The following EBF1 variants were observed in gnomAD, a reference collection of about 807,000 sequenced individuals.
EBF1 encodes EBF transcription factor 1, also known as transcription factor COE1.
Under a neutral mutation model 68.4 loss-of-function variants are expected in EBF1, and 10 were observed. The observed-to-expected ratio is 0.15, with a 90% CI of 0.09 to 0.25. The LOEUF is 0.25. Among genes scored for constraint, EBF1 ranks in the 10% least tolerant of loss-of-function variants. EBF1 has a pLI of 1.00. For synonymous variants in EBF1, 298 were observed against 299.8 expected, an observed-to-expected ratio of 0.99 and a Z score of 0.06; for missense variants, 509 against 794.4, an observed-to-expected ratio of 0.64 and a Z score of 4.32.
At chr5:158,991,839 T>G (rs1306453057) in intron 6 of EBF1, among the ~76,000 whole-genome samples, 1 of 152,190 alleles carries the variant, frequency 6.6e-6, no homozygotes, top group African/African-American at 2.4e-5. Context: ...AGTGTTGGCA[T>G]TTGCACAATG....
intron 12 of EBF1, among the ~76,000 whole-genome samples, chr5:158,713,470 A>G (rs1581236222): frequency 6.6e-6 from 1 of 152,234 alleles, no homozygotes; most frequent in South Asian, 2.1e-4. Flanking sequence ...CAGTCCATAC[A>G]GGACAGCACC....
intron 10 of EBF1, among the ~76,000 whole-genome samples, chr5:158,752,327 CAAA>C (rs199938065): frequency 0.29 from 30,494 of 104,776 alleles, 3,209 homozygotes; most frequent in Admixed American, 0.35. Context: ...GTATTTATTC[CAAA>C]AAAAAAAAAA....
chr5:158,786,590 G>GC (rs1777491525), intron 9 of EBF1, among the ~76,000 whole-genome samples: 1 of 152,232 alleles, frequency 6.6e-6, no homozygotes, highest in East Asian at 1.9e-4. Context: ...AGCAACGCCA[G>GC]CCCCTGTGGT....
chr5:159,050,152 TTC>T (rs148912326), intron 6 of EBF1, among the ~76,000 whole-genome samples: 3,526 of 135,364 alleles, frequency 0.026, 61 homozygotes, highest in Middle Eastern at 0.048. Flanking sequence ...TCGTTTCTCT[TTC>T]TCTCTCTCTC....
intron 6 of EBF1, among the ~76,000 whole-genome samples, chr5:158,937,251 C>T (rs899459147): frequency 6.6e-6 from 1 of 152,016 alleles, no homozygotes; most frequent in Non-Finnish European, 1.5e-5. Flanking sequence ...ATTTTCCACC[C>T]AACCTGGTTT....
intron 6 of EBF1, among the ~76,000 whole-genome samples, chr5:159,023,529 A>G (rs942600281): frequency 6.6e-6 from 1 of 152,196 alleles, no homozygotes; most frequent in Admixed American, 6.5e-5. Flanking sequence ...CACATCTCCA[A>G]GGAGTGAAGC....
At chr5:159,016,812 AC>A (rs1391449155) in intron 6 of EBF1, among the ~76,000 whole-genome samples, 1 of 152,188 alleles carries the variant, frequency 6.6e-6, no homozygotes, top group Non-Finnish European at 1.5e-5. Context: ...CAAAAGACAG[AC>A]CTTTCTTGAC....
chr5:158,855,122 C>A (rs950931776), intron 6 of EBF1, among the ~76,000 whole-genome samples: 4 of 152,150 alleles, frequency 2.6e-5, no homozygotes, highest in Admixed American at 1.3e-4. Context: ...AAAGTAAAAC[C>A]ACGTGATAAG....
rs757874589 is a variant in EBF1 at position 158,840,050 on chromosome 5, T to A, written c.615A>T (p.Pro205=). 1.9e-6 allele frequency: 3 copies of A among 1,614,020 alleles called. No individual in the cohort carries two copies. Among genetic ancestry groups the A allele is most frequent in the African/African-American group, 2.7e-5 (2 of 74,912 alleles). The change falls in exon 7 of 16, where the codon CCA becomes CCT. Residue 205 remains proline, a synonymous_variant. Coordinates refer to ENST00000313708, the MANE Select transcript of EBF1 (RefSeq NM_024007.5). ...CCACCTGGAATCTCCGCATGTCACG[T>A]GGGTTTCCCGCATTCTTTAGGCAAT... ...NQNCLKNAGN[P]RDMRRFQVVV... is the part of the protein sequence containing the mutation.
At chr5:159,072,415 G>A (rs1777973637) in intron 6 of EBF1, among the ~76,000 whole-genome samples, 1 of 152,034 alleles carries the variant, frequency 6.6e-6, no homozygotes, top group East Asian at 1.9e-4. Flanking sequence ...AAGAAAGATG[G>A]GTTTTTTTTT....
chr5:158,754,389 C>A (rs1769588993), intron 10 of EBF1, among the ~76,000 whole-genome samples: 1 of 152,114 alleles, frequency 6.6e-6, no homozygotes, highest in East Asian at 1.9e-4. Flanking sequence ...CTGACCACAG[C>A]ATTCACAAAC....
chr5:158,780,282 G>A (rs1476896905), intron 9 of EBF1, among the ~76,000 whole-genome samples: 1 of 152,156 alleles, frequency 6.6e-6, no homozygotes, highest in African/African-American at 2.4e-5. Flanking sequence ...AGGAGGGACA[G>A]GGTCTAGATC....
intron 5 of EBF1, among the ~76,000 whole-genome samples, chr5:159,082,342 A>G (rs1779889547): frequency 6.6e-6 from 1 of 152,224 alleles, no homozygotes; most frequent in Admixed American, 6.5e-5. Flanking sequence ...GAAACAAGCT[A>G]TTTTAAAATC....
In EBF1 at chr5:158,699,068, G is replaced by C. The variant is rs764983933; in HGVS notation, c.*43C>G. The C allele has an allele frequency of 1.8e-5, 28 of 1,576,556 alleles. No homozygotes were observed. The highest frequency in any genetic ancestry group is 2.4e-5 in the Non-Finnish European group (28 of 1,161,274). ...TTGTATCAGATTACTCTCTGTAGCA[G>C]AATCCAACCTCTTCATTAATACAAT... On this transcript the variant is annotated 3_prime_UTR_variant, in exon 16 of 16. Transcript: ENST00000313708.
At chr5:158,811,648 G>A (rs999610304) in intron 8 of EBF1, among the ~76,000 whole-genome samples, 1 of 152,142 alleles carries the variant, frequency 6.6e-6, no homozygotes, top group Non-Finnish European at 1.5e-5. Flanking sequence ...AACCGCTATC[G>A]TAACAGTAAG....
intron 10 of EBF1, among the ~76,000 whole-genome samples, chr5:158,734,688 T>C (rs1341606529): frequency 4.0e-5 from 6 of 151,620 alleles, no homozygotes; most frequent in Non-Finnish European, 4.4e-5. Context: ...CCAATTTTTT[T>C]CCCCCTCAAA....
chr5:159,008,090 G>A lies in EBF1; in HGVS notation c.554+65306C>T, dbSNP rs535669706. ...CTCTTCAATACTATTTCACCTAACA[G>A]TCTGAACAACTCATCATGGTTCCAT... On this transcript the variant is annotated intron_variant, in intron 6 of 15. Transcript: ENST00000313708. Among the ~76,000 whole-genome samples the A allele has an allele frequency of 1.4e-4, 22 of 152,246 alleles. No individual in the cohort carries two copies. The South Asian group carries it at 1.5e-3, about 10-fold the overall frequency.
chr5:158,718,289 T>C (rs1233435694), intron 11 of EBF1, among the ~76,000 whole-genome samples: 1 of 152,196 alleles, frequency 6.6e-6, no homozygotes, highest in African/African-American at 2.4e-5. Context: ...GGTCCTACCA[T>C]CTTTGTCCAG....
At chr5:159,002,615 C>A (rs1231806639) in intron 6 of EBF1, among the ~76,000 whole-genome samples, 2 of 152,086 alleles carry the variant, frequency 1.3e-5, no homozygotes, top group African/African-American at 4.8e-5. Context: ...AATGAACATA[C>A]CCTTTAATGG....
Sources: allele counts gnomAD v4.1 joint callset (sites outside exome capture counted in the v4.1 genomes callset), GRCh38; gene constraint gnomAD v4.1.1; transcripts MANE v1.5; gene names NCBI Gene and HGNC (gene_info 2026-07-23, HGNC 2026-07-21).